NELL2: variants seen among roughly 807,000 people sequenced by gnomAD.
The protein encoded by NELL2 is neural EGFL like 2.
NELL2 carries 41 observed loss-of-function variants against 109.6 expected under a neutral mutation model. The ratio of observed to expected loss-of-function variants is 0.37; its 90% CI spans 0.29 to 0.49. The LOEUF (loss-of-function observed/expected upper bound fraction) is 0.49, where lower values mean the gene tolerates loss of function less well. Ranked by LOEUF, NELL2 falls within the 20% of genes least tolerant of loss-of-function variation. The pLI is 0.98. For missense variants in NELL2, 900 were observed against 1,008.3 expected, an observed-to-expected ratio of 0.89 and a Z score of 1.45; for synonymous variants, 355 against 344.7, an observed-to-expected ratio of 1.03 and a Z score of -0.33.
chr12:44,625,818 A>G (rs1251403421), intron 13 of NELL2, among the ~76,000 whole-genome samples: 2 of 152,162 alleles, frequency 1.3e-5, no homozygotes, highest in Admixed American at 1.3e-4. Context: ...AAAATCTAAC[A>G]ACACATGACC....
Position 44,874,826 on chromosome 12 carries a change from C to G in NELL2, c.184+399G>C, listed in dbSNP as rs375880021. Among the ~76,000 whole-genome samples, 100 of 152,276 alleles carry G rather than the reference C, an allele frequency of 6.6e-4. 2 individuals are homozygous for G. In the South Asian group the frequency reaches 0.011, roughly 16 times the overall value. ...TAAAACAATTCCTCCAAGCAGGGCACCATCGTACCTGAAACTTTCAGAGAT... is the reference window on the plus strand; with the variant it reads ...TAAAACAATTCCTCCAAGCAGGGCAGCATCGTACCTGAAACTTTCAGAGAT... On this transcript the variant is annotated intron_variant, in intron 2 of 19. Transcript: ENST00000429094.
intron 15 of NELL2, among the ~76,000 whole-genome samples, chr12:44,594,129 CG>C (rs1347775168): frequency 6.7e-6 from 1 of 148,588 alleles, no homozygotes; most frequent in Non-Finnish European, 1.5e-5. Context: ...CATCACACAC[CG>C]GGGCCTGTTG....
intron 19 of NELL2, among the ~76,000 whole-genome samples, chr12:44,519,779 G>T (rs765531200): frequency 2.0e-5 from 3 of 151,974 alleles, no homozygotes; most frequent in African/African-American, 4.8e-5. Context: ...TATAAATAAC[G>T]GATCATTCTG....
chr12:44,547,085 G>A (rs1191770708), intron 15 of NELL2, among the ~76,000 whole-genome samples: 1 of 151,976 alleles, frequency 6.6e-6, no homozygotes, highest in Non-Finnish European at 1.5e-5. Flanking sequence ...ATCTCTATAC[G>A]AACAGAGCTG....
chr12:44,798,756 T>A (rs1265041390), intron 3 of NELL2, among the ~76,000 whole-genome samples: 3 of 152,032 alleles, frequency 2.0e-5, no homozygotes, highest in Non-Finnish European at 2.9e-5. Flanking sequence ...TGTGTAACAA[T>A]GGCACATGAA....
At chr12:44,696,622 CA>C (rs1949069875) in intron 12 of NELL2, among the ~76,000 whole-genome samples, 1 of 152,146 alleles carries the variant, frequency 6.6e-6, no homozygotes, top group African/African-American at 2.4e-5. Context: ...ATTTAAAACT[CA>C]ATCCCTTTTT....
intron 9 of NELL2, among the ~76,000 whole-genome samples, chr12:44,734,804 A>G (rs1030416144): frequency 1.3e-5 from 2 of 152,138 alleles, no homozygotes; most frequent in African/African-American, 4.8e-5. Context: ...AATGGTAATT[A>G]TATCTTATTC....
chr12:44,816,122 T>C lies in NELL2; in HGVS notation c.199A>G (p.Ile67Val), dbSNP rs142898759. 8 of 1,608,244 alleles carry C rather than the reference T, an allele frequency of 5.0e-6. No individual in the cohort carries two copies. The highest frequency in any genetic ancestry group is 5.9e-6 in the Non-Finnish European group (7 of 1,178,442). Residue 67 changes from isoleucine to valine, a missense_variant, in exon 3 of 20, where the codon ATA becomes GTA. This residue lies in a region of NELL2 where 200 missense variants were observed against 191.8 expected (regional missense o/e 1.04). Coordinates refer to ENST00000429094, the MANE Select transcript of NELL2 (RefSeq NM_001145108.2). Reference sequence around the variant, plus strand: ...TCAGCTGTAGCAGTGGATGCTTTTATGCTTCTGGGAGTATCTAAAAAAGAA... The same window carrying C: ...TCAGCTGTAGCAGTGGATGCTTTTACGCTTCTGGGAGTATCTAAAAAAGAA... ...AFLFQDTPRS[I>V]KASTATAEQF...
intron 15 of NELL2, among the ~76,000 whole-genome samples, chr12:44,577,998 T>G (rs1181927263): frequency 2.6e-5 from 4 of 152,210 alleles, no homozygotes; most frequent in Admixed American, 1.3e-4. Context: ...CAATTCCTTC[T>G]ACTGAAATTT....
Position 44,681,757 on chromosome 12 carries a change from T to C in NELL2, c.1319-16148A>G, listed in dbSNP as rs558177804. The stretch of plus-strand genomic sequence containing the variant: ...ACAAAGGACATGAACTCATCATTTT[T>C]TATGGCTGCATGGTATTCCATGGTG... On this transcript the variant is annotated intron_variant, in intron 12 of 19. Transcript: ENST00000429094. Among the ~76,000 whole-genome samples, 40 of 152,294 alleles carry C rather than the reference T, an allele frequency of 2.6e-4. 1 individual carries two copies. The East Asian group carries it at 7.3e-3, about 28-fold the overall frequency.
At position 44,656,851 on chromosome 12, in the gene NELL2, A is replaced by G. The variant is rs150668595; in HGVS notation, c.1444+8633T>C. On this transcript the variant is annotated intron_variant, in intron 13 of 19. Coordinates refer to ENST00000429094, the MANE Select transcript of NELL2 (RefSeq NM_001145108.2). ...TAAATCCATTGAAAGCTATTTTTAA[A>G]TAGCTGATATGAAGGTATTGTTTGT... 3.3e-4 allele frequency among the ~76,000 whole-genome samples: 51 copies of G among 152,336 alleles called. No homozygotes were observed. In the East Asian group the frequency reaches 9.4e-3, roughly 28 times the overall value.
chr12:44,512,978 A>C (rs1941068592), intron 19 of NELL2, among the ~76,000 whole-genome samples: 1 of 152,060 alleles, frequency 6.6e-6, no homozygotes, highest in African/African-American at 2.4e-5. Context: ...GAATGTTCCC[A>C]CCACAAAGTA....
intron 2 of NELL2, among the ~76,000 whole-genome samples, chr12:44,823,599 T>G (rs7132477): frequency 2.6e-5 from 4 of 152,202 alleles, no homozygotes; most frequent in African/African-American, 9.7e-5. Flanking sequence ...ATGATATTCC[T>G]TTGTGTGTAT....
chr12:44,883,512 CTT>C (rs1307358568), intron 1 of NELL2, among the ~76,000 whole-genome samples: 1 of 152,044 alleles, frequency 6.6e-6, no homozygotes, highest in Non-Finnish European at 1.5e-5. Context: ...GTTCAAGTCT[CTT>C]TGCTATGTAA....
At chr12:44,693,742 G>C (rs764830838) in intron 12 of NELL2, among the ~76,000 whole-genome samples, 144 of 152,236 alleles carry the variant, frequency 9.5e-4, no homozygotes, top group Non-Finnish European at 1.6e-3. Context: ...AATAGCTAAT[G>C]CAAGTTCAAA....
At chr12:44,585,825 C>T (rs938830601) in intron 15 of NELL2, among the ~76,000 whole-genome samples, 4 of 151,472 alleles carry the variant, frequency 2.6e-5, no homozygotes, top group Non-Finnish European at 5.9e-5. Flanking sequence ...CGGCTGGGGG[C>T]AAGAGATGCT....
At chr12:44,676,186 C>T (rs2136359405) in intron 12 of NELL2, among the ~76,000 whole-genome samples, 1 of 152,150 alleles carries the variant, frequency 6.6e-6, no homozygotes, top group African/African-American at 2.4e-5. Flanking sequence ...TCTTGACTCA[C>T]CAGCTGTGAA....
chr12:44,652,701 A>C, intron 13 of NELL2, among the ~76,000 whole-genome samples: 1 of 152,252 alleles, frequency 6.6e-6, no homozygotes, highest in Non-Finnish European at 1.5e-5. Context: ...TATTGTTGCC[A>C]TAACAAATTA....
Position 44,887,269 on chromosome 12 carries a change from G to A in NELL2, c.39-11369C>T, listed in dbSNP as rs151314406. ...TGGGCTTAAGCGAACTTCCTGCCTCGGCCTTCCAAAGTGCTGGGATTACAG... is the reference window on the plus strand; with the variant it reads ...TGGGCTTAAGCGAACTTCCTGCCTCAGCCTTCCAAAGTGCTGGGATTACAG... On this transcript the variant is annotated intron_variant, in intron 1 of 20. Coordinates refer to the NELL2 transcript ENST00000333837. 2.5e-3 allele frequency among the ~76,000 whole-genome samples: 386 copies of A among 151,838 alleles called. 3 individuals are homozygous for A. Among genetic ancestry groups the A allele is most frequent in the Admixed American group, 3.6e-3 (55 of 15,266 alleles).
Sources: gnomAD v4.1 joint callset for allele counts (sites outside exome capture counted in the v4.1 genomes callset) on GRCh38, gnomAD v4.1.1 for gene constraint, gnomAD v4.1.1 regional missense constraint, MANE v1.5 for transcripts, NCBI Gene and HGNC (gene_info 2026-07-23, HGNC 2026-07-21) for gene names.